Variants in NUMA1 observed in about 807,000 individuals in gnomAD.
The protein encoded by NUMA1 is SP-H antigen.
Under a neutral mutation model 237.1 loss-of-function variants are expected in NUMA1, and 62 were observed. The observed-to-expected ratio is 0.26, with a 90% CI of 0.21 to 0.32. NUMA1 has a LOEUF of 0.32. Among genes scored for constraint, NUMA1 ranks in the 10% least tolerant of loss-of-function variants. The pLI, the probability that NUMA1 is intolerant of heterozygous loss-of-function variation, is 1.00. For missense variants in NUMA1, 2,533 were observed against 2,666.5 expected (o/e 0.95, Z 1.10); for synonymous variants, 1,028 against 1,066.1 (o/e 0.96, Z 0.70).
chr11:72,007,773 A>G (rs1291347353), intron 20 of NUMA1: 1 of 383,756 alleles, frequency 2.6e-6, no homozygotes, highest in East Asian at 6.0e-5. Context: ...GTGAATAGGA[A>G]CGCCCCCCAC....
chr11:72,006,745 G>T (rs1295882655), intron 21 of NUMA1, among the ~76,000 whole-genome samples: 1 of 152,116 alleles, frequency 6.6e-6, no homozygotes, highest in Non-Finnish European at 1.5e-5. Context: ...TAAACACACA[G>T]GTCCCCCCTG....
At chr11:72,038,174 G>A (rs1014661426) in intron 2 of NUMA1, among the ~76,000 whole-genome samples, 1 of 152,136 alleles carries the variant, frequency 6.6e-6, no homozygotes, top group East Asian at 1.9e-4. Context: ...AATTTTATCT[G>A]CAACTGTAGG....
chr11:72,036,935 A>T (rs987673962), intron 2 of NUMA1, among the ~76,000 whole-genome samples: 3 of 152,196 alleles, frequency 2.0e-5, no homozygotes, highest in African/African-American at 4.8e-5. Context: ...TCAGTCTGTA[A>T]TTACTCTAGA....
chr11:72,045,863 C>G (rs971774734), intron 2 of NUMA1, among the ~76,000 whole-genome samples: 8 of 152,204 alleles, frequency 5.3e-5, no homozygotes, highest in African/African-American at 7.2e-5. Context: ...CTAAAACTGC[C>G]CTGGCCACAT....
chr11:72,012,804 G>A (rs1431129716), intron 15 of NUMA1, 91 bp downstream of exon 15: 1 of 1,517,730 alleles, frequency 6.6e-7, no homozygotes, highest in African/African-American at 1.4e-5. Context: ...ACACTCCAGT[G>A]TAGGAGCTAG....
intron 1 of NUMA1, among the ~76,000 whole-genome samples, chr11:72,079,465 G>C (rs566188270): frequency 3.3e-5 from 5 of 152,178 alleles, no homozygotes; most frequent in African/African-American, 9.6e-5. Flanking sequence ...GTTTGAACCC[G>C]GGTGGCAGAG....
Position 72,042,262 on chromosome 11 carries a change from A to T in NUMA1, c.-32-6287T>A, listed in dbSNP as rs569088451. The T allele has an allele frequency of 2.0e-5, 3 of 152,400 alleles. No individual in the cohort carries two copies. The South Asian group carries it at 6.2e-4, about 32-fold the overall frequency. The allele number at this position is 152,400 out of a possible 1,614,324, so 9.4% of individuals were successfully genotyped here. A position where few individuals can be genotyped will look rare whatever the true frequency, so the allele number is the denominator to read the frequency against. ...CAGGCACCCCCTAATCTTATGCCACAAACATTTACTGAGCACCTACTATGT... is the reference window on the plus strand; with the variant it reads ...CAGGCACCCCCTAATCTTATGCCACTAACATTTACTGAGCACCTACTATGT... On this transcript the variant is annotated intron_variant, in intron 2 of 26. Coordinates refer to ENST00000393695, the MANE Select transcript of NUMA1 (RefSeq NM_006185.4).
chr11:72,026,283 C>T (rs1939570925), intron 4 of NUMA1, among the ~76,000 whole-genome samples: 1 of 152,268 alleles, frequency 6.6e-6, no homozygotes, highest in Non-Finnish European at 1.5e-5. Context: ...CTCATGAATG[C>T]AACTGCACCA....
At chr11:72,022,260 G>T in intron 7 of NUMA1, 79 bp downstream of exon 7, 2 of 857,644 alleles carry the variant, frequency 2.3e-6, no homozygotes, top group Non-Finnish European at 3.8e-6. Flanking sequence ...TCCAGTATCT[G>T]CTGTTCAAAG....
chr11:72,022,670 G>T (rs1440163860), intron 6 of NUMA1, among the ~76,000 whole-genome samples: 1 of 151,600 alleles, frequency 6.6e-6, no homozygotes, highest in East Asian at 1.9e-4. Flanking sequence ...CTGGACTCAT[G>T]GAACCCTGGG....
At chr11:72,030,349 A>G (rs914270545) in intron 3 of NUMA1, among the ~76,000 whole-genome samples, 3 of 151,946 alleles carry the variant, frequency 2.0e-5, no homozygotes, top group African/African-American at 7.3e-5. Context: ...AGGAAAAAAA[A>G]AAAGAAAAGA....
At chr11:72,051,979 C>T (rs1942385296) in intron 2 of NUMA1, among the ~76,000 whole-genome samples, 2 of 152,108 alleles carry the variant, frequency 1.3e-5, no homozygotes, top group African/African-American at 4.8e-5. Flanking sequence ...GAATGGTATA[C>T]TACTTGTGCT....
Position 72,049,560 on chromosome 11 carries a change from A to AATATATAT in NUMA1, c.-32-13593_-32-13586dup, listed in dbSNP as rs1555034472. ...CCTGTCTAAAAAAAAAAATAATAAT[A>AATATATAT]ATATATATATATATATATATATAGT... On this transcript the variant is annotated intron_variant, in intron 2 of 26. Transcript: ENST00000393695. 145 of 41,010 alleles carry AATATATAT rather than the reference A, an allele frequency of 3.5e-3. 8 individuals carry two copies. Among genetic ancestry groups the AATATATAT allele is most frequent in the African/African-American group, 9.1e-3 (108 of 11,830 alleles). The allele number at this position is 41,010 out of a possible 1,614,324, so 2.5% of individuals were successfully genotyped here. A position where few individuals can be genotyped will look rare whatever the true frequency, so the allele number is the denominator to read the frequency against.
intron 22 of NUMA1, chr11:72,005,620 C>T: frequency 1.9e-6 from 1 of 522,506 alleles, no homozygotes; most frequent in Non-Finnish European, 3.3e-6. Context: ...TCTTACTCAC[C>T]TGCCAAGGCT....
rs72956179 is a variant in NUMA1 at position 72,004,918 on chromosome 11, G to A, written c.5830-102C>T. 4.7e-3 allele frequency: 5,656 copies of A among 1,193,486 alleles called. 21 individuals carry two copies. Among genetic ancestry groups the A allele is most frequent in the Non-Finnish European group, 5.9e-3 (5,173 of 872,068 alleles). The allele number at this position is 1,193,486 out of a possible 1,614,324, so 73.9% of individuals were successfully genotyped here. On this transcript the variant is annotated intron_variant, in intron 23 of 26. Coordinates refer to ENST00000393695, the MANE Select transcript of NUMA1 (RefSeq NM_006185.4). ...CTACACTCGCCCGACACTTATGGTC[G>A]GGACCCTTCCTGCCTCACGAGGTAG...
chr11:72,048,430 G>A (rs1259861809), intron 2 of NUMA1, among the ~76,000 whole-genome samples: 1 of 152,084 alleles, frequency 6.6e-6, no homozygotes, highest in East Asian at 1.9e-4. Context: ...GGAGTACAAT[G>A]GCACGACCTC....
At chr11:72,031,921 G>GA (rs1940375038) in intron 3 of NUMA1, among the ~76,000 whole-genome samples, 1 of 151,294 alleles carries the variant, frequency 6.6e-6, no homozygotes, top group Non-Finnish European at 1.5e-5. Flanking sequence ...CTTGAGGCCA[G>GA]GAGTTTGAGA....
At chr11:72,055,835 G>A (rs1047075990) in intron 2 of NUMA1, among the ~76,000 whole-genome samples, 17 of 150,654 alleles carry the variant, frequency 1.1e-4, no homozygotes, top group African/African-American at 4.2e-4. Flanking sequence ...AAAAAATTCA[G>A]CTGGGCGCGG....
rs978536746 is a variant in NUMA1 at position 72,003,383 on chromosome 11, G to A, written c.*144C>T. 2.5e-6 allele frequency: 2 copies of A among 801,548 alleles called. No individual in the cohort carries two copies. The highest frequency in any genetic ancestry group is 1.7e-5 in the African/African-American group (1 of 59,752). 49.7% of individuals were successfully genotyped at this position (801,548 alleles called of 1,614,324 possible). ...GTGAAGGACCAGGGACCAGGCCAGG[G>A]TGCGGGCAGGCATCACTGTCTCTAG... On this transcript the variant is annotated 3_prime_UTR_variant, in exon 27 of 27. Transcript: ENST00000393695.
Sources: allele counts gnomAD v4.1 joint callset (sites outside exome capture counted in the v4.1 genomes callset), GRCh38; gene constraint gnomAD v4.1.1; transcripts MANE v1.5; gene names NCBI Gene and HGNC (gene_info 2026-07-23, HGNC 2026-07-21).